Variants in CHMP3 observed in about 807,000 individuals in gnomAD.
The protein encoded by CHMP3 is 25.1 protein.
CHMP3 carries 8 observed loss-of-function variants against 27.4 expected under a neutral mutation model. The ratio of observed to expected loss-of-function variants is 0.29; its 90% confidence interval spans 0.17 to 0.53. The LOEUF is 0.53. CHMP3 is among the 20% of genes least tolerant of loss of function. The pLI, the probability that CHMP3 is intolerant of heterozygous loss-of-function variation, is 0.96. For synonymous variants in CHMP3, 86 were observed against 85.5 expected (o/e 1.01, Z -0.03); for missense variants, 208 against 271.5 (o/e 0.77, Z 1.64).
intron 3 of CHMP3, among the ~76,000 whole-genome samples, chr2:86,515,472 G>A (rs533460959): frequency 8.1e-4 from 123 of 152,156 alleles, no homozygotes; most frequent in African/African-American, 2.9e-3. Context: ...ATAGGTGTGC[G>A]CCACCATGCC....
chr2:86,563,055 T>G, intron 1 of CHMP3: 2 of 445,330 alleles, frequency 4.5e-6, no homozygotes, highest in Non-Finnish European at 8.1e-6. Context: ...ACGCGCTCAG[T>G]GGCGAGGTGG....
chr2:86,542,932 C>T (rs981466292), intron 1 of CHMP3: 4 of 152,126 alleles, frequency 2.6e-5, no homozygotes, highest in African/African-American at 4.8e-5. Context: ...CAATTCTTCA[C>T]GTTTCAAAAA....
At chr2:86,556,942 G>A (rs562828112) in intron 1 of CHMP3, among the ~76,000 whole-genome samples, 3 of 152,308 alleles carry the variant, frequency 2.0e-5, no homozygotes, top group South Asian at 2.1e-4. Flanking sequence ...TACCTGACGA[G>A]CTCTTTACAC....
chr2:86,520,455 C>T (rs1292704044), intron 3 of CHMP3, among the ~76,000 whole-genome samples: 1 of 152,102 alleles, frequency 6.6e-6, no homozygotes, highest in South Asian at 2.1e-4. Flanking sequence ...TGAGACACCA[C>T]TAGGGGGATG....
chr2:86,534,196 CTTTTTTTTTTTT>C (rs33977886), intron 2 of CHMP3, among the ~76,000 whole-genome samples: 14 of 66,902 alleles, frequency 2.1e-4, no homozygotes, highest in African/African-American at 5.6e-5. Flanking sequence ...TGCTTTATTT[CTTTTTTTTTTTT>C]TTTTTTTTTT....
intron 1 of CHMP3, among the ~76,000 whole-genome samples, chr2:86,549,684 C>T (rs375065077): frequency 9.7e-5 from 13 of 133,446 alleles, no homozygotes; most frequent in African/African-American, 1.4e-4. Context: ...GGGTGGCGGC[C>T]GGGCAGAGAC....
intron 5 of CHMP3, 138 bp downstream of exon 5, chr2:86,507,341 G>C: frequency 1.5e-6 from 1 of 683,246 alleles, no homozygotes; most frequent in Non-Finnish European, 2.5e-6. Flanking sequence ...TACTTTTCAA[G>C]AAATAAGCTG....
intron 1 of CHMP3, among the ~76,000 whole-genome samples, chr2:86,547,856 A>T (rs1286291672): frequency 6.6e-6 from 1 of 152,246 alleles, no homozygotes; most frequent in Admixed American, 6.5e-5. Flanking sequence ...AGTAAATTAG[A>T]CAATATATTT....
At chr2:86,517,699 T>C (rs1675367462) in intron 3 of CHMP3, among the ~76,000 whole-genome samples, 2 of 151,984 alleles carry the variant, frequency 1.3e-5, no homozygotes, top group African/African-American at 4.8e-5. Context: ...TCACAGGCTC[T>C]CATGGGAATT....
intron 2 of CHMP3, among the ~76,000 whole-genome samples, chr2:86,531,869 C>A (rs941642225): frequency 1.3e-5 from 2 of 152,144 alleles, no homozygotes; most frequent in Non-Finnish European, 2.9e-5. Flanking sequence ...AGCTTTGTGG[C>A]AAGTTTTGAA....
chr2:86,552,748 G>A (rs1429786947), intron 1 of CHMP3, among the ~76,000 whole-genome samples: 1 of 152,136 alleles, frequency 6.6e-6, no homozygotes. Flanking sequence ...TGCTAAAATT[G>A]TTTAACCTGG....
chr2:86,550,895 C>T (rs1006329096), intron 1 of CHMP3, among the ~76,000 whole-genome samples: 1 of 152,124 alleles, frequency 6.6e-6, no homozygotes, highest in Non-Finnish European at 1.5e-5. Context: ...GATGTACATA[C>T]GTTATATGCA....
At chr2:86,516,062 C>CA (rs907609532) in intron 3 of CHMP3, among the ~76,000 whole-genome samples, 2 of 148,910 alleles carry the variant, frequency 1.3e-5, no homozygotes, top group African/African-American at 4.9e-5. Flanking sequence ...ACAGGGAAAT[C>CA]ACTTCAACCC....
At chr2:86,509,887 C>G (rs996245081) in intron 4 of CHMP3, among the ~76,000 whole-genome samples, 4 of 152,226 alleles carry the variant, frequency 2.6e-5, no homozygotes, top group African/African-American at 9.6e-5. Flanking sequence ...GAGTACAGGT[C>G]CTTGCCAGAC....
chr2:86,556,752 C>T (rs778102195), intron 1 of CHMP3, among the ~76,000 whole-genome samples: 3 of 152,276 alleles, frequency 2.0e-5, no homozygotes, highest in African/African-American at 2.4e-5. Flanking sequence ...ATACTCGCAG[C>T]GCCGGCTTGT....
chr2:86,533,524 AC>A (rs1356888613), intron 2 of CHMP3, among the ~76,000 whole-genome samples: 18 of 151,082 alleles, frequency 1.2e-4, no homozygotes, highest in African/African-American at 3.2e-4. Context: ...TTTTTTTGAG[AC>A]AGGGTTTCAC....
intron 1 of CHMP3, 102 bp from the exon 2 acceptor site, chr2:86,542,414 A>G: frequency 8.5e-7 from 1 of 1,183,294 alleles, no homozygotes; most frequent in Non-Finnish European, 1.2e-6. Flanking sequence ...ACAGACACAA[A>G]ATTTAAAAAG....
chr2:86,550,393 G>T (rs1325943965), intron 1 of CHMP3, among the ~76,000 whole-genome samples: 2 of 150,190 alleles, frequency 1.3e-5, no homozygotes, highest in African/African-American at 4.9e-5. Flanking sequence ...AGGGAGAGAG[G>T]GAGAGAGGGG....
intron 2 of CHMP3, chr2:86,541,289 T>C (rs914899560): frequency 6.6e-6 from 1 of 152,152 alleles, no homozygotes; most frequent in Non-Finnish European, 1.5e-5. Context: ...TCCTAGTAAT[T>C]GTTCTTTGCC....
Sources: allele counts gnomAD v4.1 joint callset (sites outside exome capture counted in the v4.1 genomes callset), GRCh38; gene constraint gnomAD v4.1.1; transcripts MANE v1.5; gene names NCBI Gene and HGNC (gene_info 2026-07-23, HGNC 2026-07-21).